The following VANGL1 variants were observed in gnomAD, a reference collection of about 807,000 sequenced individuals.
The protein encoded by VANGL1 is vang-like protein 1.
VANGL1 carries 18 observed loss-of-function variants against 48.4 expected under a neutral mutation model. That is an observed-to-expected ratio of 0.37 (90% CI 0.26 to 0.55). The LOEUF is 0.55. Among genes scored for constraint, VANGL1 ranks in the 20% least tolerant of loss-of-function variants. VANGL1 has a pLI of 0.81. For missense variants in VANGL1, 667 were observed against 675.8 expected, an observed-to-expected ratio of 0.99 and a Z score of 0.14; for synonymous variants, 257 against 261.8, an observed-to-expected ratio of 0.98 and a Z score of 0.18.
In VANGL1 at chr1:115,663,831, C is replaced by A. The variant is rs767827063; in HGVS notation, c.375C>A (p.Leu125=). Residue 125 remains leucine, a synonymous_variant, in exon 4 of 8, where the codon CTC becomes CTA. Coordinates refer to ENST00000355485, the MANE Select transcript of VANGL1 (RefSeq NM_138959.3). ...CTTTTCTTGGACTTCTAGTTTTCCT[C>A]ACCCCTATTGCCTTCATCCTTTTAC... ...VASFLGLLVF[L]TPIAFILLPP... 1.2e-6 allele frequency: 2 copies of A among 1,614,224 alleles called. No individual in the cohort carries two copies. The highest frequency in any genetic ancestry group is 3.3e-5 in the Admixed American group (2 of 60,024).
intron 4 of VANGL1, 62 bp downstream of exon 4, chr1:115,664,330 C>A: frequency 1.9e-6 from 3 of 1,581,568 alleles, no homozygotes; most frequent in East Asian, 2.3e-5. Context: ...GACAGCTGCT[C>A]TGTAGCACGT....
rs1652137696 is a variant in VANGL1 at position 115,651,419 on chromosome 1, T to C, written c.6T>C (p.Asp2=). Residue 2 remains aspartate (D), a synonymous_variant, in exon 2 of 8, where the codon GAT becomes GAC. Transcript: ENST00000355485. M[D]TESTYSGYSY... ...AGCGCAAGCCCTCCATTGCTATGGA[T>C]ACCGAATCCACTTATTCTGGATATT... The C allele has an allele frequency of 6.2e-7, 1 of 1,613,904 alleles. No individual in the cohort carries two copies. Among genetic ancestry groups the C allele is most frequent in the Non-Finnish European group, 8.5e-7 (1 of 1,180,012 alleles).
chr1:115,667,824 G>C (rs897289519), intron 4 of VANGL1, among the ~76,000 whole-genome samples: 1 of 152,164 alleles, frequency 6.6e-6, no homozygotes, highest in Admixed American at 6.5e-5. Context: ...CCTAAAAATT[G>C]GCATTCAATT....
Position 115,693,156 on chromosome 1 carries a change from G to A in VANGL1, c.*1777G>A, listed in dbSNP as rs1214342934. ...GAGCCAAGATGTACTATTCAACTATGTGTTTCTGTTTATAAAAAACACATA... is the reference window on the plus strand; with the variant it reads ...GAGCCAAGATGTACTATTCAACTATATGTTTCTGTTTATAAAAAACACATA... On this transcript the variant is annotated 3_prime_UTR_variant, in exon 8 of 8. Coordinates refer to ENST00000355485, the MANE Select transcript of VANGL1 (RefSeq NM_138959.3). 2 of 152,604 alleles carry A rather than the reference G, an allele frequency of 1.3e-5. No individual in the cohort carries two copies. The highest frequency in any genetic ancestry group is 6.5e-5 in the Admixed American group (1 of 15,284). 9.5% of individuals were successfully genotyped at this position (152,604 alleles called of 1,614,324 possible). A position where few individuals can be genotyped will look rare whatever the true frequency, so the allele number is the denominator to read the frequency against.
At position 115,676,564 on chromosome 1, in the gene VANGL1, G is replaced by A. The variant is rs181058500; in HGVS notation, c.813-5800G>A. Among the ~76,000 whole-genome samples, 27 of 152,296 alleles carry A rather than the reference G, an allele frequency of 1.8e-4. No individual in the cohort carries two copies. In the East Asian group the frequency reaches 5.0e-3, roughly 28 times the overall value. On this transcript the variant is annotated intron_variant, in intron 4 of 7. Coordinates refer to ENST00000355485, the MANE Select transcript of VANGL1 (RefSeq NM_138959.3). ...AATGTGTTATTTCATCTTCAGCACA[G>A]ACCTAAACCAGGCAGGCTACTCCTC...
At chr1:115,647,267 T>A (rs138686721) in intron 1 of VANGL1, among the ~76,000 whole-genome samples, 1 of 152,324 alleles carries the variant, frequency 6.6e-6, no homozygotes, top group Non-Finnish European at 1.5e-5. Context: ...ACTGTCCTAT[T>A]CATGCTGCTG....
intron 4 of VANGL1, among the ~76,000 whole-genome samples, chr1:115,672,977 C>G (rs997478988): frequency 2.0e-5 from 3 of 152,196 alleles, no homozygotes; most frequent in East Asian, 1.9e-4. Flanking sequence ...TTCTGGGAAG[C>G]AGCAGGTGGG....
chr1:115,687,613 G>T (rs1304059256), intron 7 of VANGL1, among the ~76,000 whole-genome samples: 1 of 137,546 alleles, frequency 7.3e-6, no homozygotes, highest in African/African-American at 2.7e-5. Context: ...TACCGATAAG[G>T]AGTTGGTATA....
At chr1:115,673,174 G>A (rs950025025) in intron 4 of VANGL1, among the ~76,000 whole-genome samples, 6 of 152,186 alleles carry the variant, frequency 3.9e-5, no homozygotes, top group Admixed American at 6.5e-5. Flanking sequence ...CTGGGCAGCC[G>A]TCAGTACTGG....
intron 4 of VANGL1, among the ~76,000 whole-genome samples, chr1:115,673,279 C>T (rs1261009417): frequency 6.6e-6 from 1 of 152,180 alleles, no homozygotes; most frequent in Non-Finnish European, 1.5e-5. Context: ...ACCAGCTTTG[C>T]CGCTTACCTG....
At chr1:115,689,595 C>CTGGGTACG (rs1397328776) in intron 7 of VANGL1, among the ~76,000 whole-genome samples, 1 of 135,772 alleles carries the variant, frequency 7.4e-6, no homozygotes, top group Non-Finnish European at 1.6e-5. Context: ...GAGATCGTGC[C>CTGGGTACG]ATTGCACTCC....
In VANGL1 at chr1:115,691,934, A is replaced by G. The variant is rs905556188; in HGVS notation, c.*555A>G. 1 of 153,872 alleles carries G rather than the reference A, an allele frequency of 6.5e-6. No individual in the cohort carries two copies. Among genetic ancestry groups the G allele is most frequent in the Non-Finnish European group, 1.5e-5 (1 of 68,922 alleles). The allele number at this position is 153,872 out of a possible 1,614,324, so 9.5% of individuals were successfully genotyped here. A position where few individuals can be genotyped will look rare whatever the true frequency, so the allele number is the denominator to read the frequency against. ...TCTTCAGAGAAAGATCACAACAAAA[A>G]ATGTACACTGTCGTTTACAGCTATT... On this transcript the variant is annotated 3_prime_UTR_variant, in exon 8 of 8. Transcript: ENST00000355485.
Position 115,695,812 on chromosome 1 carries a change from C to A in VANGL1, c.*4433C>A, listed in dbSNP as rs1654010387. 6.6e-6 allele frequency: 1 copy of A among 152,152 alleles called. No homozygotes were observed. Among genetic ancestry groups the A allele is most frequent in the African/African-American group, 2.4e-5 (1 of 41,420 alleles). 9.4% of individuals were successfully genotyped at this position (152,152 alleles called of 1,614,324 possible). A position where few individuals can be genotyped will look rare whatever the true frequency, so the allele number is the denominator to read the frequency against. ...AGAATTTCAAACTAGATGTTTGATTCTAACCCCTCAGTCCACTGTACCTTG... is the reference window on the plus strand; with the variant it reads ...AGAATTTCAAACTAGATGTTTGATTATAACCCCTCAGTCCACTGTACCTTG... On this transcript the variant is annotated 3_prime_UTR_variant, in exon 8 of 8. Coordinates refer to ENST00000355485, the MANE Select transcript of VANGL1 (RefSeq NM_138959.3).
chr1:115,690,746 C>T (rs1653799791), intron 7 of VANGL1, among the ~76,000 whole-genome samples: 2 of 152,208 alleles, frequency 1.3e-5, no homozygotes. Flanking sequence ...ACTTTTGGTT[C>T]AGGAGGAGGA....
Position 115,695,214 on chromosome 1 carries a change from T to G in VANGL1, c.*3835T>G, listed in dbSNP as rs1345872430. The G allele has an allele frequency of 6.6e-6, 1 of 152,594 alleles. No homozygotes were observed. The highest frequency in any genetic ancestry group is 1.5e-5 in the Non-Finnish European group (1 of 68,040). The allele number at this position is 152,594 out of a possible 1,614,324, so 9.5% of individuals were successfully genotyped here. ...TACCCTGGAAGCCTTACTAGATATT[T>G]CTTAAGGTAACTTAAAAATTGGGCT... On this transcript the variant is annotated 3_prime_UTR_variant, in exon 8 of 8. Coordinates refer to ENST00000355485, the MANE Select transcript of VANGL1 (RefSeq NM_138959.3).
At chr1:115,678,710 C>T (rs888890925) in intron 4 of VANGL1, among the ~76,000 whole-genome samples, 3 of 152,174 alleles carry the variant, frequency 2.0e-5, no homozygotes, top group East Asian at 3.8e-4. Context: ...AGTTCCAGAA[C>T]TTTGGGAGGC....
chr1:115,664,369 G>C, intron 4 of VANGL1, 101 bp downstream of exon 4: 1 of 1,503,992 alleles, frequency 6.6e-7, no homozygotes, highest in Non-Finnish European at 8.9e-7. Flanking sequence ...CCAAGAGCTA[G>C]GACCAGAGTC....
intron 4 of VANGL1, among the ~76,000 whole-genome samples, chr1:115,665,168 T>G (rs1213621348): frequency 6.6e-6 from 1 of 152,184 alleles, no homozygotes; most frequent in Non-Finnish European, 1.5e-5. Context: ...CCATCTGTTT[T>G]CTTCCACAGA....
chr1:115,663,947 T>G lies in VANGL1; in HGVS notation c.491T>G (p.Leu164Arg). 1.2e-6 allele frequency: 2 copies of G among 1,614,234 alleles called. No homozygotes were observed. Among genetic ancestry groups the G allele is most frequent in the Non-Finnish European group, 1.7e-6 (2 of 1,180,042 alleles). The change falls in exon 4 of 8, where the codon CTC becomes CGC. Residue 164 changes from leucine to arginine, a missense_variant. By Grantham distance (102) the Leu-to-Arg change is moderately radical. Transcript: ENST00000355485. ...ISMAFKLLILLIGTWALFFRK... is the reference protein window; with the variant it reads ...ISMAFKLLILRIGTWALFFRK... The stretch of plus-strand genomic sequence containing the variant: ...ATGGCATTCAAACTCCTCATTCTGC[T>G]CATAGGGACCTGGGCACTTTTTTTC...
Sources: gnomAD v4.1 joint callset for allele counts (sites outside exome capture counted in the v4.1 genomes callset) on GRCh38, gnomAD v4.1.1 for gene constraint, MANE v1.5 for transcripts, NCBI Gene and HGNC (gene_info 2026-07-23, HGNC 2026-07-21) for gene names.